The following CNTNAP5 variants were observed in gnomAD, a reference collection of about 807,000 sequenced individuals.
CNTNAP5 encodes contactin associated protein family member 5, also known as contactin-associated protein-like 5.
A neutral mutation model predicts 150.2 loss-of-function variants in CNTNAP5; 72 were observed. The ratio of observed to expected loss-of-function variants is 0.48; its 90% CI spans 0.40 to 0.58. CNTNAP5 has a LOEUF of 0.58. Ranked by LOEUF, CNTNAP5 falls within the 20% of genes least tolerant of loss-of-function variation. The pLI is 0.00. For synonymous variants in CNTNAP5, 672 were observed against 619.8 expected, an observed-to-expected ratio of 1.08 and a Z score of -1.25; for missense variants, 1,636 against 1,626.2, an observed-to-expected ratio of 1.01 and a Z score of -0.10.
At chr2:124,534,639 C>T (rs2104898657) in intron 10 of CNTNAP5, among the ~76,000 whole-genome samples, 1 of 152,208 alleles carries the variant, frequency 6.6e-6, no homozygotes, top group Admixed American at 6.5e-5. Flanking sequence ...TTTTGGGAGG[C>T]CAAGGCAGGT....
intron 1 of CNTNAP5, among the ~76,000 whole-genome samples, chr2:124,197,156 T>A (rs549006930): frequency 6.6e-6 from 1 of 152,342 alleles, no homozygotes; most frequent in South Asian, 2.1e-4. Flanking sequence ...CAAATACATA[T>A]CTATATGCCT....
In CNTNAP5 at chr2:124,916,774, A is replaced by G. The variant is rs753332441; in HGVS notation, c.*2486A>G. Among the ~76,000 whole-genome samples the G allele has an allele frequency of 6.6e-6, 1 of 151,934 alleles. No individual in the cohort carries two copies. Among genetic ancestry groups the G allele is most frequent in the African/African-American group, 2.4e-5 (1 of 41,368 alleles). On this transcript the variant is annotated 3_prime_UTR_variant, in exon 24 of 24. Coordinates refer to ENST00000682447, the MANE Select transcript of CNTNAP5 (RefSeq NM_001367498.1). Reference sequence around the variant, plus strand: ...CACGTGTGTAGACTCCATGCACACTACATACCACAGACCTAAATGTAGATG... The same window carrying G: ...CACGTGTGTAGACTCCATGCACACTGCATACCACAGACCTAAATGTAGATG...
At chr2:124,081,104 G>A in intron 1 of CNTNAP5, among the ~76,000 whole-genome samples, 2 of 151,594 alleles carry the variant, frequency 1.3e-5, no homozygotes, top group Middle Eastern at 3.4e-3. Context: ...AAAATTAGGT[G>A]TATGTTAATG....
intron 3 of CNTNAP5, among the ~76,000 whole-genome samples, chr2:124,295,213 T>G (rs1298268764): frequency 1.3e-5 from 2 of 151,760 alleles, no homozygotes; most frequent in Non-Finnish European, 2.9e-5. Context: ...CTTTTTTTTT[T>G]TTTTTCTTTT....
chr2:124,335,504 A>G (rs185637304), intron 3 of CNTNAP5, among the ~76,000 whole-genome samples: 1 of 151,410 alleles, frequency 6.6e-6, no homozygotes, highest in East Asian at 2.0e-4. Flanking sequence ...TCTTTTTATG[A>G]TGAATGACAC....
intron 13 of CNTNAP5, among the ~76,000 whole-genome samples, chr2:124,735,547 A>G (rs1047326612): frequency 6.6e-6 from 1 of 152,216 alleles, no homozygotes; most frequent in Non-Finnish European, 1.5e-5. Context: ...TACATACTCA[A>G]TAATGATCTG....
chr2:124,862,583 T>A (rs553719401), intron 19 of CNTNAP5, among the ~76,000 whole-genome samples: 33 of 152,232 alleles, frequency 2.2e-4, no homozygotes, highest in African/African-American at 7.2e-4. Flanking sequence ...CAAATAGACA[T>A]GGCAATGCCA....
At chr2:124,441,503 A>T (rs898668777) in intron 5 of CNTNAP5, among the ~76,000 whole-genome samples, 8 of 152,022 alleles carry the variant, frequency 5.3e-5, no homozygotes, top group African/African-American at 1.9e-4. Flanking sequence ...GCTCATGTAT[A>T]TTTTAAATCA....
intron 3 of CNTNAP5, among the ~76,000 whole-genome samples, chr2:124,278,321 A>G (rs1290230229): frequency 6.6e-6 from 1 of 152,182 alleles, no homozygotes; most frequent in African/African-American, 2.4e-5. Flanking sequence ...ATAATGGGAA[A>G]GAAGTGATAA....
chr2:124,116,264 T>C lies in CNTNAP5; in HGVS notation c.82+90532T>C, dbSNP rs188423250. Among the ~76,000 whole-genome samples, 478 of 152,272 alleles carry C rather than the reference T, an allele frequency of 3.1e-3. 2 individuals carry two copies. Among genetic ancestry groups the C allele is most frequent in the Admixed American group, 5.1e-3 (78 of 15,294 alleles). ...TAAAGTGGGTACCAGGTGTTCAAAC[T>C]ATAAATGCTGAGTTAGGAGGGATGT... On this transcript the variant is annotated intron_variant, in intron 1 of 23. Transcript: ENST00000682447.
intron 1 of CNTNAP5, among the ~76,000 whole-genome samples, chr2:124,142,890 C>A (rs1684153704): frequency 6.7e-6 from 1 of 149,762 alleles, no homozygotes; most frequent in Non-Finnish European, 1.5e-5. Context: ...TGATAGACCG[C>A]TAGCAAGACT....
At chr2:124,159,961 T>A (rs1684634938) in intron 1 of CNTNAP5, among the ~76,000 whole-genome samples, 1 of 152,244 alleles carries the variant, frequency 6.6e-6, no homozygotes, top group South Asian at 2.1e-4. Flanking sequence ...GCAATATTCC[T>A]GTTTTTTACA....
chr2:124,538,825 A>G (rs1333560120), intron 10 of CNTNAP5, among the ~76,000 whole-genome samples: 1 of 152,188 alleles, frequency 6.6e-6, no homozygotes, highest in Non-Finnish European at 1.5e-5. Context: ...AAATTAATGA[A>G]AAGAATAAAG....
At chr2:124,290,460 A>G (rs115026059) in intron 3 of CNTNAP5, among the ~76,000 whole-genome samples, 5,326 of 152,262 alleles carry the variant, frequency 0.035, 160 homozygotes, top group Non-Finnish European at 0.057. Flanking sequence ...TGCAACATAA[A>G]TTTTAGAAAA....
At chr2:124,040,743 T>G (rs1247596420) in intron 1 of CNTNAP5, among the ~76,000 whole-genome samples, 1 of 151,898 alleles carries the variant, frequency 6.6e-6, no homozygotes, top group Non-Finnish European at 1.5e-5. Context: ...TCTAAAATTG[T>G]GAGACTACAA....
At chr2:124,597,876 T>C (rs1165312663) in intron 11 of CNTNAP5, among the ~76,000 whole-genome samples, 13 of 143,572 alleles carry the variant, frequency 9.1e-5, no homozygotes, top group East Asian at 4.5e-4. Flanking sequence ...CTTCCCTTCT[T>C]GCTTCATTTC....
rs1389955494 is a variant in CNTNAP5, at chr2:124,434,573, C to A, written c.619C>A (p.Leu207Met). 1.9e-6 allele frequency: 3 copies of A among 1,613,930 alleles called. No homozygotes were observed. The highest frequency in any genetic ancestry group is 2.5e-6 in the Non-Finnish European group (3 of 1,179,808). Residue 207 changes from leucine (L) to methionine (M), a missense_variant, in exon 5 of 24, where the codon CTG becomes ATG. Coordinates refer to ENST00000682447, the MANE Select transcript of CNTNAP5 (RefSeq NM_001367498.1). ...GAGTACTCTCAAAGATGTGATCTCC[C>A]TGAAGTTCAAGAGCATGCAAGGAGA... ...LMSTLKDVISLKFKSMQGDGV... is the reference protein window; with the variant it reads ...LMSTLKDVISMKFKSMQGDGV...
intron 7 of CNTNAP5, among the ~76,000 whole-genome samples, chr2:124,502,564 A>G (rs1006182191): frequency 6.6e-6 from 1 of 152,232 alleles, no homozygotes; most frequent in African/African-American, 2.4e-5. Flanking sequence ...TTTTACAAAA[A>G]TGATACTGAC....
intron 14 of CNTNAP5, among the ~76,000 whole-genome samples, chr2:124,753,876 T>G (rs1376006687): frequency 6.6e-6 from 1 of 152,220 alleles, no homozygotes; most frequent in Non-Finnish European, 1.5e-5. Flanking sequence ...TAAAAAGTAG[T>G]TACAAGTGAA....
Sources: allele counts gnomAD v4.1 joint callset (sites outside exome capture counted in the v4.1 genomes callset), GRCh38; gene constraint gnomAD v4.1.1; transcripts MANE v1.5; gene names NCBI Gene and HGNC (gene_info 2026-07-23, HGNC 2026-07-21).